Variants in ATAD2 observed in about 807,000 individuals in gnomAD.
The protein encoded by ATAD2 is ATPase family AAA domain-containing protein 2.
A neutral mutation model predicts 168.9 loss-of-function variants in ATAD2; 62 were observed. The observed-to-expected ratio is 0.37, with a 90% CI of 0.30 to 0.45. The LOEUF is 0.45. Among genes scored for constraint, ATAD2 ranks in the 20% least tolerant of loss-of-function variants. The probability of loss-of-function intolerance (pLI) is 1.00; values close to 1 mark genes in which losing one functional copy is unlikely to be tolerated. For synonymous variants in ATAD2, 613 were observed against 571.6 expected, an observed-to-expected ratio of 1.07 and a Z score of -1.03; for missense variants, 1,419 against 1,667.8, an observed-to-expected ratio of 0.85 and a Z score of 2.60.
At position 123,344,082 on chromosome 8, in the gene ATAD2, A is replaced by G. The variant is rs565942039; in HGVS notation, c.2718+802T>C. On this transcript the variant is annotated intron_variant, in intron 19 of 27. Transcript: ENST00000287394. ...TATTCCACTTCTAGGAATCAAAACT[A>G]GAAAAATCCACATACCAGTGCTCAT... Among the ~76,000 whole-genome samples, 19 of 152,314 alleles carry G rather than the reference A, an allele frequency of 1.2e-4. No homozygotes were observed. The South Asian group carries it at 3.7e-3, about 30-fold the overall frequency.
chr8:123,396,073 C>G, intron 1 of ATAD2, 114 bp downstream of exon 1: 2 of 1,213,008 alleles, frequency 1.6e-6, no homozygotes, highest in Non-Finnish European at 2.2e-6. Context: ...ACACTTCTCC[C>G]CCGACAACTG....
intron 27 of ATAD2, among the ~76,000 whole-genome samples, chr8:123,321,934 T>A (rs1827479304): frequency 6.6e-6 from 1 of 151,906 alleles, no homozygotes; most frequent in East Asian, 1.9e-4. Context: ...TAAGTATTAA[T>A]GCTCTAATTA....
In ATAD2 at chr8:123,386,643, G is replaced by A. The variant is rs569999081; in HGVS notation, c.172-5966C>T. ...CTTAATGAACTGTAAGCTTAAAAAC[G>A]GTTAAAACGGTCAATTTTATGTTAT... On this transcript the variant is annotated intron_variant, in intron 1 of 27. Coordinates refer to ENST00000287394, the MANE Select transcript of ATAD2 (RefSeq NM_014109.4). Among the ~76,000 whole-genome samples, 88 of 152,092 alleles carry A rather than the reference G, an allele frequency of 5.8e-4. 1 individual carries two copies. The South Asian group carries it at 0.017, about 30-fold the overall frequency.
In ATAD2 at chr8:123,346,154, C is replaced by T. The variant is rs763115021; in HGVS notation, c.2464G>A (p.Val822Ile). 16 of 1,613,058 alleles carry T rather than the reference C, an allele frequency of 9.9e-6. No homozygotes were observed. The South Asian group carries it at 1.7e-4, about 17-fold the overall frequency. ...AVIHALEKFT[V>I]YTLDIPVLFG... is the part of the protein sequence containing the mutation. ...AGAACAGGAATGTCTAATGTATATA[C>T]AGTAAACTTTTCCAAAGCATGAATG... The change falls in exon 18 of 28, where the codon GTA becomes ATA. Residue 822 changes from valine to isoleucine, a missense_variant. Val to Ile is a conservative substitution (Grantham distance 29, BLOSUM62 3). This residue lies in a region of ATAD2 where 545 missense variants were observed against 724.9 expected (regional missense o/e 0.75). Coordinates refer to ENST00000287394, the MANE Select transcript of ATAD2 (RefSeq NM_014109.4).
intron 1 of ATAD2, among the ~76,000 whole-genome samples, chr8:123,385,401 C>T (rs1304044460): frequency 6.6e-6 from 1 of 152,142 alleles, no homozygotes; most frequent in Non-Finnish European, 1.5e-5. Flanking sequence ...GGTTTTTAGA[C>T]TGCAGTGGAT....
At position 123,401,615 on chromosome 8, in the gene ATAD2, A is replaced by G. The variant is rs1350781157; in HGVS notation, c.-2281-440T>C. On this transcript the variant is annotated intron_variant, in intron 1 of 28. Coordinates refer to the ATAD2 transcript ENST00000521903. ...GTTGCCCCCAGGGCACTGTGTGTAC[A>G]AGGTGGCTGAGTATGCCCGGCACTT... 8 of 1,090,466 alleles carry G rather than the reference A, an allele frequency of 7.3e-6. No individual in the cohort carries two copies. The East Asian group carries it at 1.4e-4, about 20-fold the overall frequency. The allele number at this position is 1,090,466 out of a possible 1,614,324, so 67.5% of individuals were successfully genotyped here. A position where few individuals can be genotyped will look rare whatever the true frequency, so the allele number is the denominator to read the frequency against.
At chr8:123,371,542 A>T in intron 4 of ATAD2, 128 bp downstream of exon 4, 6 of 895,340 alleles carry the variant, frequency 6.7e-6, no homozygotes, top group Non-Finnish European at 9.8e-6. Context: ...GACCTCTGAT[A>T]ATCATTCTCC....
chr8:123,394,072 A>G (rs771906248), intron 1 of ATAD2, among the ~76,000 whole-genome samples: 7 of 151,410 alleles, frequency 4.6e-5, no homozygotes, highest in Non-Finnish European at 8.8e-5. Flanking sequence ...GTCAACAACA[A>G]CCTAAGGTTT....
At chr8:123,388,510 A>C (rs1563864192) in intron 1 of ATAD2, among the ~76,000 whole-genome samples, 1 of 151,866 alleles carries the variant, frequency 6.6e-6, no homozygotes, top group African/African-American at 2.4e-5. Flanking sequence ...TCTCTCTCTC[A>C]GCCTCCTGAG....
At chr8:123,390,372 C>G (rs1829794204) in intron 1 of ATAD2, among the ~76,000 whole-genome samples, 1 of 152,120 alleles carries the variant, frequency 6.6e-6, no homozygotes, top group Non-Finnish European at 1.5e-5. Flanking sequence ...GATCCCTGTT[C>G]TAGCTCTTCA....
Position 123,340,233 on chromosome 8 carries a change from C to A in ATAD2, c.2719-787G>T, listed in dbSNP as rs535586247. On this transcript the variant is annotated intron_variant, in intron 19 of 27. Coordinates refer to ENST00000287394, the MANE Select transcript of ATAD2 (RefSeq NM_014109.4). ...GTTGAGATCAATTAATTCATTTTCC[C>A]AACCCCAAATGAGATATAAGAAAGA... Among the ~76,000 whole-genome samples, 7 of 152,164 alleles carry A rather than the reference C, an allele frequency of 4.6e-5. No homozygotes were observed. In the South Asian group the frequency reaches 1.5e-3, roughly 32 times the overall value.
At chr8:123,378,906 C>A (rs939646191) in intron 2 of ATAD2, among the ~76,000 whole-genome samples, 4 of 151,676 alleles carry the variant, frequency 2.6e-5, no homozygotes, top group African/African-American at 9.7e-5. Context: ...ATCCTCCTGC[C>A]TCAGCCTCCA....
At chr8:123,400,852 C>G, upstream of ATAD2, 1 of 1,378,644 alleles carries the variant, frequency 7.3e-7, no homozygotes, top group Non-Finnish European at 1.0e-6. The surrounding 1 kb of genome is among the most constrained non-coding windows in gnomAD (Gnocchi z 4.5). Flanking sequence ...TTTCATTCAC[C>G]ACAACTGCAC....
chr8:123,325,650 A>C, intron 26 of ATAD2, among the ~76,000 whole-genome samples: 1 of 150,986 alleles, frequency 6.6e-6, no homozygotes, highest in East Asian at 1.9e-4. Context: ...CGAACTCCTG[A>C]CCTCAGGTGA....
intron 1 of ATAD2, among the ~76,000 whole-genome samples, chr8:123,413,720 T>C (rs565641318): frequency 2.6e-5 from 4 of 151,834 alleles, no homozygotes; most frequent in Non-Finnish European, 4.4e-5. Flanking sequence ...GACATATGAA[T>C]AAAAGTTGTG....
chr8:123,321,811 T>C (rs1827476019), intron 27 of ATAD2, among the ~76,000 whole-genome samples: 1 of 152,018 alleles, frequency 6.6e-6, no homozygotes, highest in Non-Finnish European at 1.5e-5. Flanking sequence ...GGTGCTTGCC[T>C]ATAATCTCAG....
intron 27 of ATAD2, among the ~76,000 whole-genome samples, chr8:123,322,003 T>TTTTTTTTTTTTTTTTTAAAAAA (rs1827482841): frequency 6.6e-6 from 1 of 151,462 alleles, no homozygotes; most frequent in Admixed American, 6.6e-5. Flanking sequence ...TTTTTTTTTT[T>TTTTTTTTTTTTTTTTTAAAAAA]GTCATACAGA....
At chr8:123,334,358 C>T (rs763858711) in intron 22 of ATAD2, 36 bp from the exon 23 acceptor site, 2 of 1,461,772 alleles carry the variant, frequency 1.4e-6, no homozygotes, top group Non-Finnish European at 1.8e-6. Flanking sequence ...TTTTAATTTC[C>T]CCCTTTTAAT....
chr8:123,350,981 C>T (rs1255893723), intron 13 of ATAD2, among the ~76,000 whole-genome samples: 2 of 151,400 alleles, frequency 1.3e-5, no homozygotes, highest in Non-Finnish European at 2.9e-5. Context: ...TCTGCCCTGC[C>T]TGCCTAGGAC....
Sources: gnomAD v4.1 joint callset for allele counts (sites outside exome capture counted in the v4.1 genomes callset) on GRCh38, gnomAD v4.1.1 for gene constraint, gnomAD v4.1.1 regional missense constraint, Gnocchi (gnomAD v3.1) non-coding constraint, MANE v1.5 for transcripts, NCBI Gene and HGNC (gene_info 2026-07-23, HGNC 2026-07-21) for gene names.